The following SNX29 variants were observed in gnomAD, a reference collection of about 807,000 sequenced individuals.
SNX29 encodes sorting nexin-29.
A neutral mutation model predicts 102.1 loss-of-function variants in SNX29; 78 were observed. That is an observed-to-expected ratio of 0.76 (90% CI 0.64 to 0.92). The LOEUF is 0.92. Among genes scored for constraint, SNX29 ranks in the 40% least tolerant of loss-of-function variants. The pLI is 0.00. For missense variants in SNX29, 1,280 were observed against 1,061.7 expected (o/e 1.21, Z -2.86); for synonymous variants, 580 against 414.5 (o/e 1.40, Z -4.85).
chr16:12,549,414 G>A (rs529383149), intron 20 of SNX29, among the ~76,000 whole-genome samples: 4 of 152,296 alleles, frequency 2.6e-5, no homozygotes, highest in South Asian at 2.1e-4. Flanking sequence ...AGAATCTCTT[G>A]AACCTGGGAG....
At chr16:12,100,991 C>T (rs1242605043) in intron 11 of SNX29, among the ~76,000 whole-genome samples, 3 of 152,172 alleles carry the variant, frequency 2.0e-5, no homozygotes, top group African/African-American at 4.8e-5. Context: ...CACCTGCCCA[C>T]GGTGAAAACA....
chr16:12,151,676 T>G (rs1394074444), intron 13 of SNX29, among the ~76,000 whole-genome samples: 3 of 152,208 alleles, frequency 2.0e-5, no homozygotes, highest in African/African-American at 7.2e-5. Flanking sequence ...CTCCTCATTA[T>G]GGTTTTACAT....
chr16:12,024,948 G>C (rs1228735226), intron 3 of SNX29, among the ~76,000 whole-genome samples: 2 of 151,950 alleles, frequency 1.3e-5, no homozygotes, highest in Non-Finnish European at 2.9e-5. Context: ...CCATGGTTTT[G>C]GTTTCTGTGG....
intron 3 of SNX29, among the ~76,000 whole-genome samples, chr16:12,020,606 A>G (rs960924017): frequency 1.3e-5 from 2 of 151,520 alleles, no homozygotes; most frequent in Admixed American, 6.6e-5. Flanking sequence ...TTAATTAAAC[A>G]TAAATATAGC....
At chr16:12,221,424 G>T (rs2077474478) in intron 14 of SNX29, among the ~76,000 whole-genome samples, 1 of 152,170 alleles carries the variant, frequency 6.6e-6, no homozygotes, top group South Asian at 2.1e-4. Context: ...AGATCAGCCT[G>T]GCCATCATGG....
At chr16:12,465,559 A>G (rs540763477) in intron 18 of SNX29, among the ~76,000 whole-genome samples, 54 of 152,152 alleles carry the variant, frequency 3.5e-4, no homozygotes, top group African/African-American at 1.3e-3. Context: ...TTCTGTTCTC[A>G]TGGTCTATGT....
At chr16:12,155,646 T>C (rs1247681835) in intron 13 of SNX29, among the ~76,000 whole-genome samples, 1 of 152,088 alleles carries the variant, frequency 6.6e-6, no homozygotes, top group East Asian at 1.9e-4. Flanking sequence ...GAGTTGGAGA[T>C]GCGTTTGAGT....
intron 20 of SNX29, among the ~76,000 whole-genome samples, chr16:12,566,678 A>G (rs2079024695): frequency 8.0e-6 from 1 of 125,476 alleles, no homozygotes; most frequent in South Asian, 2.9e-4. Context: ...ATTCAGGGAT[A>G]AAGAGGCTCT....
At chr16:12,415,832 A>T (rs1178378357) in intron 18 of SNX29, among the ~76,000 whole-genome samples, 1 of 152,190 alleles carries the variant, frequency 6.6e-6, no homozygotes, top group Non-Finnish European at 1.5e-5. Context: ...ACTCTCTCCT[A>T]TATCCAAAAT....
chr16:11,981,378 A>ACAAGCCTGAGCCAC (rs764028059), intron 1 of SNX29, among the ~76,000 whole-genome samples: 23 of 152,052 alleles, frequency 1.5e-4, no homozygotes, highest in Admixed American at 8.5e-4. Context: ...TGCTGGGATT[A>ACAAGCCTGAGCCAC]CAAGCCTGAG....
chr16:12,099,187 C>T (rs1385804668), intron 11 of SNX29, among the ~76,000 whole-genome samples: 1 of 152,188 alleles, frequency 6.6e-6, no homozygotes, highest in Non-Finnish European at 1.5e-5. Context: ...AATTACCTGT[C>T]TTTCACATGT....
intron 13 of SNX29, among the ~76,000 whole-genome samples, chr16:12,188,854 C>T (rs1212630716): frequency 6.6e-6 from 1 of 152,066 alleles, no homozygotes; most frequent in East Asian, 1.9e-4. Flanking sequence ...CCCCTGGCAG[C>T]AGCCCTTGCC....
chr16:12,314,917 C>T (rs192543648), intron 15 of SNX29, among the ~76,000 whole-genome samples: 146 of 152,332 alleles, frequency 9.6e-4, no homozygotes, highest in Non-Finnish European at 1.7e-3. Context: ...ACCAAATTCT[C>T]GTCTTCTCAA....
intron 13 of SNX29, among the ~76,000 whole-genome samples, chr16:12,182,050 A>T (rs953484669): frequency 6.6e-6 from 1 of 151,742 alleles, no homozygotes; most frequent in Non-Finnish European, 1.5e-5. Context: ...CGCCTGGTTA[A>T]TTTTTTTGTA....
At chr16:12,055,055 C>A (rs150111634) in intron 8 of SNX29, among the ~76,000 whole-genome samples, 1 of 152,132 alleles carries the variant, frequency 6.6e-6, no homozygotes, top group East Asian at 1.9e-4. Context: ...GTCTTGTGAC[C>A]TGCTGTGTTA....
chr16:12,456,867 A>C (rs1181962876), intron 18 of SNX29, among the ~76,000 whole-genome samples: 1 of 152,128 alleles, frequency 6.6e-6, no homozygotes, highest in African/African-American at 2.4e-5. Context: ...GGAGCTGCTC[A>C]GGAGCACCCT....
At chr16:12,564,276 C>T (rs577095027) in intron 20 of SNX29, among the ~76,000 whole-genome samples, 5 of 152,290 alleles carry the variant, frequency 3.3e-5, no homozygotes, top group South Asian at 2.1e-4. Context: ...ATGCCTCTAC[C>T]AGTAAAAGTT....
chr16:12,540,481 G>T (rs988989962), intron 20 of SNX29, among the ~76,000 whole-genome samples: 3 of 152,256 alleles, frequency 2.0e-5, no homozygotes, highest in African/African-American at 7.2e-5. Flanking sequence ...TACAGTCAAG[G>T]TGTCGGCAGG....
chr16:11,988,275 CAG>C (rs2055710785), intron 1 of SNX29, among the ~76,000 whole-genome samples: 1 of 136,270 alleles, frequency 7.3e-6, no homozygotes, highest in African/African-American at 2.7e-5. Flanking sequence ...GCCTGGGCGA[CAG>C]AGTGCGACTC....
Sources: gnomAD v4.1 joint callset for allele counts (sites outside exome capture counted in the v4.1 genomes callset) on GRCh38, gnomAD v4.1.1 for gene constraint, MANE v1.5 for transcripts, NCBI Gene and HGNC (gene_info 2026-07-23, HGNC 2026-07-21) for gene names.